PCDHGC5: variants seen among roughly 807,000 people sequenced by gnomAD.
PCDHGC5 encodes the protein protocadherin gamma subfamily C, 5.
A neutral mutation model predicts 59.0 loss-of-function variants in PCDHGC5; 25 were observed. The ratio of observed to expected loss-of-function variants is 0.42; its 90% CI spans 0.31 to 0.59. PCDHGC5 has a LOEUF of 0.59. PCDHGC5 is among the 20% of genes least tolerant of loss of function. The pLI, the probability that PCDHGC5 is intolerant of heterozygous loss-of-function variation, is 0.13. For synonymous variants in PCDHGC5, 434 were observed against 505.5 expected, an observed-to-expected ratio of 0.86 and a Z score of 1.90; for missense variants, 1,067 against 1,206.4, an observed-to-expected ratio of 0.88 and a Z score of 1.71.
At position 141,511,227 on chromosome 5, in the gene PCDHGC5, TCTC is replaced by T. The variant is rs2099883680; in HGVS notation, c.*57_*59del. 2 of 1,599,470 alleles carry T rather than the reference TCTC, an allele frequency of 1.3e-6. No homozygotes were observed. Among genetic ancestry groups the T allele is most frequent in the Non-Finnish European group, 1.7e-6 (2 of 1,173,054 alleles). ...CGGCCTCTCCCCAACCAGCCCAGCTTCTCCTTACCTGCACCCAGGCCTCAGAGT... is the reference window on the plus strand; with the variant it reads ...CGGCCTCTCCCCAACCAGCCCAGCTTCTTACCTGCACCCAGGCCTCAGAGT... On this transcript the variant is annotated 3_prime_UTR_variant, in exon 4 of 4. Transcript: ENST00000252087.
At chr5:141,510,831 A>T (rs2154594660) in intron 3 of PCDHGC5, 116 bp from the exon 4 acceptor site, 1 of 1,577,022 alleles carries the variant, frequency 6.3e-7, no homozygotes, top group East Asian at 2.2e-5. Context: ...CCCAGTGCTC[A>T]GCGTGGTCAA....
At position 141,489,335 on chromosome 5, in the gene PCDHGC5, G is replaced by C. The variant is rs138015049; in HGVS notation, c.95G>C (p.Arg32Pro). 1.4e-5 allele frequency: 22 copies of C among 1,607,364 alleles called. No individual in the cohort carries two copies. Among genetic ancestry groups the C allele is most frequent in the Non-Finnish European group, 1.9e-5 (22 of 1,175,842 alleles). The stretch of plus-strand genomic sequence containing the variant: ...TGGGGCTGGGTGTCTGGGCAGCTTC[G>C]TTACTCAGTGGTGGAGGAGTCTGAG... The part of the protein sequence containing the change: ...CCWGWVSGQL[R>P]YSVVEESEPG... Residue 32 changes from arginine (R) to proline (P), a missense_variant, in exon 1 of 4, where the codon CGT (arginine) becomes CCT (proline). Transcript: ENST00000252087. This position sits in a 1 kb window ranked among gnomAD's most constrained non-coding sequence, Gnocchi z 4.5.
intron 2 of PCDHGC5, among the ~76,000 whole-genome samples, chr5:141,497,614 A>C (rs1377740795): frequency 6.8e-6 from 1 of 146,530 alleles, no homozygotes; most frequent in African/African-American, 2.6e-5. Context: ...ATCTTGGCTC[A>C]CTGCAACCTC....
At chr5:141,500,182 ATT>A (rs1199992745) in intron 2 of PCDHGC5, among the ~76,000 whole-genome samples, 2 of 131,622 alleles carry the variant, frequency 1.5e-5, no homozygotes, top group African/African-American at 3.1e-5. Flanking sequence ...CTTCATTTTT[ATT>A]TTTATTTATT....
chr5:141,489,220 C>G lies in PCDHGC5; in HGVS notation c.-21C>G. The G allele has an allele frequency of 6.6e-7, 1 of 1,508,698 alleles. No individual in the cohort carries two copies. Among genetic ancestry groups the G allele is most frequent in the South Asian group, 1.3e-5 (1 of 75,604 alleles). The allele number at this position is 1,508,698 out of a possible 1,614,324, so 93.5% of individuals were successfully genotyped here. A position where few individuals can be genotyped will look rare whatever the true frequency, so the allele number is the denominator to read the frequency against. ...AGACAGGACAGCACAGACTTACTCT[C>G]CACAAAGGGACTTCTGGGTCATGGG... On this transcript the variant is annotated 5_prime_UTR_variant, in exon 1 of 4. Transcript: ENST00000252087. The surrounding 1 kb of genome is among the most constrained non-coding windows in gnomAD (Gnocchi z 4.5).
chr5:141,490,004 C>A lies in PCDHGC5; in HGVS notation c.764C>A (p.Ala255Glu). The A allele has an allele frequency of 6.2e-7, 1 of 1,614,174 alleles. No homozygotes were observed. The highest frequency in any genetic ancestry group is 1.7e-5 in the Admixed American group (1 of 60,034). Residue 255 changes from alanine (A) to glutamate (E), a missense_variant, in exon 1 of 4, where the codon GCA becomes GAA. By Grantham distance (107) the Ala-to-Glu change is moderately radical. Transcript: ENST00000252087. The surrounding 1 kb of genome is among the most constrained non-coding windows in gnomAD (Gnocchi z 5.4). ...SVLRVGIPEN[A>E]PIGTLLLRLN... ...CTACGTGTGGGAATCCCAGAGAATGCACCCATTGGTACTCTGCTGCTCCGC... is the reference window on the plus strand; with the variant it reads ...CTACGTGTGGGAATCCCAGAGAATGAACCCATTGGTACTCTGCTGCTCCGC...
At position 141,508,909 on chromosome 5, in the gene PCDHGC5, G is replaced by A. The variant is rs545345992; in HGVS notation, c.2609-2038G>A. ...GAGGGGAGGGGGCGGGGCGGTGGCG[G>A]ATCTGGCTTCCTTTTGGAGTTAATT... is the stretch of plus-strand genomic sequence containing the variant. On this transcript the variant is annotated intron_variant, in intron 3 of 3. Coordinates refer to ENST00000252087, the MANE Select transcript of PCDHGC5 (RefSeq NM_018929.3). 2.0e-5 allele frequency among the ~76,000 whole-genome samples: 3 copies of A among 152,202 alleles called. No homozygotes were observed. The South Asian group carries it at 6.2e-4, about 32-fold the overall frequency.
intron 2 of PCDHGC5, among the ~76,000 whole-genome samples, chr5:141,502,866 C>CTTTTT (rs549047197): frequency 1.6e-5 from 2 of 128,044 alleles, no homozygotes; most frequent in Non-Finnish European, 1.6e-5. Flanking sequence ...GACTCTCTGT[C>CTTTTT]TTTTTTTTTT....
intron 2 of PCDHGC5, among the ~76,000 whole-genome samples, chr5:141,505,119 G>A (rs371973470): frequency 3.1e-4 from 47 of 152,210 alleles, no homozygotes; most frequent in African/African-American, 1.0e-3. Flanking sequence ...CCAAGATCGC[G>A]CCACTGCACT....
In PCDHGC5 at chr5:141,498,877, G is replaced by A. The variant is rs886444261; in HGVS notation, c.2519+4012G>A. ...GAACCCAGGAGGCGGAGGTTGCAGTGAGCTGAGATCACACCACTGCACTCC... is the reference window on the plus strand; with the variant it reads ...GAACCCAGGAGGCGGAGGTTGCAGTAAGCTGAGATCACACCACTGCACTCC... On this transcript the variant is annotated intron_variant, in intron 2 of 3. Coordinates refer to ENST00000252087, the MANE Select transcript of PCDHGC5 (RefSeq NM_018929.3). Among the ~76,000 whole-genome samples, 8 of 149,816 alleles carry A rather than the reference G, an allele frequency of 5.3e-5. No individual in the cohort carries two copies. In the East Asian group the frequency reaches 1.4e-3, roughly 26 times the overall value.
chr5:141,499,689 CTTTTTTTTT>C (rs545067566), intron 2 of PCDHGC5, among the ~76,000 whole-genome samples: 2 of 119,856 alleles, frequency 1.7e-5, no homozygotes, highest in African/African-American at 6.2e-5. Flanking sequence ...TAACAGATGA[CTTTTTTTTT>C]TTTTTTTTTT....
intron 3 of PCDHGC5, among the ~76,000 whole-genome samples, chr5:141,509,620 C>G (rs1321910971): frequency 6.6e-6 from 1 of 152,188 alleles, no homozygotes; most frequent in African/African-American, 2.4e-5. Context: ...TAAACAAGTT[C>G]CTGGGTGATG....
Position 141,512,703 on chromosome 5 carries a change from T to C in PCDHGC5, c.*1530T>C. ...TAGCCAGTAGTGTAGTGCGGTGTGC[T>C]TTTACGTGATGGCGGGTGGGCAGCG... On this transcript the variant is annotated 3_prime_UTR_variant, in exon 4 of 4. Coordinates refer to ENST00000252087, the MANE Select transcript of PCDHGC5 (RefSeq NM_018929.3). 1 of 152,958 alleles carries C rather than the reference T, an allele frequency of 6.5e-6. No individual in the cohort carries two copies. Among genetic ancestry groups the C allele is most frequent in the East Asian group, 1.9e-4 (1 of 5,212 alleles). 9.5% of individuals were successfully genotyped at this position (152,958 alleles called of 1,614,324 possible).
Position 141,493,404 on chromosome 5 carries a change from C to T in PCDHGC5, c.2461-1403C>T, listed in dbSNP as rs2099748048. Among the ~76,000 whole-genome samples, 1 of 152,148 alleles carries T rather than the reference C, an allele frequency of 6.6e-6. No individual in the cohort carries two copies. Among genetic ancestry groups the T allele is most frequent in the South Asian group, 2.1e-4 (1 of 4,826 alleles). ...CTTGAGGACAGGAGAGGGGAGTTGC[C>T]TCTGCTGGGATTTTGCTTCTGCTGG... On this transcript the variant is annotated intron_variant, in intron 1 of 3. Transcript: ENST00000252087. The surrounding 1 kb of genome is among the most constrained non-coding windows in gnomAD (Gnocchi z 4.3).
chr5:141,489,579 C>G lies in PCDHGC5; in HGVS notation c.339C>G (p.Pro113=), dbSNP rs112808093. 3.7e-6 allele frequency: 6 copies of G among 1,613,922 alleles called. No individual in the cohort carries two copies. The Admixed American group carries it at 5.0e-5, about 13-fold the overall frequency. Residue 113 remains proline (P), a synonymous_variant, in exon 1 of 4, where the codon CCC becomes CCG. Transcript: ENST00000252087. This position sits in a 1 kb window ranked among gnomAD's most constrained non-coding sequence, Gnocchi z 4.5. The part of the protein sequence containing the change: ...LLPVQVVTEH[P]LELIRVEVEI... ...CAGTGCAGGTGGTGACTGAACACCC[C>G]CTGGAGCTAATCCGTGTAGAGGTAG... is the stretch of plus-strand genomic sequence containing the variant.
chr5:141,501,228 A>G (rs1054674676), intron 2 of PCDHGC5, among the ~76,000 whole-genome samples: 10 of 149,588 alleles, frequency 6.7e-5, no homozygotes, highest in African/African-American at 2.5e-4. Context: ...TAGATTTCTC[A>G]GTTTTTTGAG....
intron 2 of PCDHGC5, among the ~76,000 whole-genome samples, chr5:141,503,085 C>T (rs1284066265): frequency 6.6e-6 from 1 of 152,044 alleles, no homozygotes; most frequent in Non-Finnish European, 1.5e-5. Context: ...GATCTCCTGA[C>T]CTCGTGGTCT....
At chr5:141,500,615 A>G (rs1341597957) in intron 2 of PCDHGC5, among the ~76,000 whole-genome samples, 1 of 152,232 alleles carries the variant, frequency 6.6e-6, no homozygotes, top group East Asian at 1.9e-4. Flanking sequence ...ATTCCCAGTC[A>G]TACGGTACAT....
At chr5:141,505,348 G>A (rs1414647950) in intron 2 of PCDHGC5, 45 bp from the exon 3 acceptor site, 1 of 1,613,358 alleles carries the variant, frequency 6.2e-7, no homozygotes, top group Admixed American at 1.7e-5. Context: ...GGCATGAGCT[G>A]TGCCGGCCTG....
Sources: allele counts gnomAD v4.1 joint callset (sites outside exome capture counted in the v4.1 genomes callset), GRCh38; gene constraint gnomAD v4.1.1; non-coding constraint Gnocchi (gnomAD v3.1); transcripts MANE v1.5; gene names NCBI Gene and HGNC (gene_info 2026-07-23, HGNC 2026-07-21).